The following PRKX variants were observed in gnomAD, a reference collection of about 807,000 sequenced individuals.
PRKX encodes protein kinase cAMP-dependent X-linked catalytic subunit.
A neutral mutation model predicts 22.0 loss-of-function variants in PRKX; 12 were observed. The observed-to-expected ratio is 0.54, with a 90% CI of 0.35 to 0.88. The LOEUF is 0.88. Ranked by LOEUF, PRKX falls within the 40% of genes least tolerant of loss-of-function variation. PRKX has a pLI of 0.01. For missense variants in PRKX, 217 were observed against 308.0 expected, an observed-to-expected ratio of 0.70 and a Z score of 2.21; for synonymous variants, 134 against 137.7, an observed-to-expected ratio of 0.97 and a Z score of 0.19.
intron 6 of PRKX, among the ~76,000 whole-genome samples, chrX:3,620,588 C>T (rs1926533087): frequency 8.9e-6 from 1 of 112,407 alleles, no homozygotes; most frequent in Non-Finnish European, 1.9e-5. Context: ...AGCTCCGCCT[C>T]CTGTCAGATC....
intron 4 of PRKX, among the ~76,000 whole-genome samples, chrX:3,641,107 C>T (rs888606526): frequency 1.8e-5 from 2 of 111,852 alleles, no homozygotes; most frequent in African/African-American, 6.5e-5. Context: ...CAGCAGCCCT[C>T]AGGGCTGCTC....
At chrX:3,638,240 T>G (rs12690391) in intron 4 of PRKX, among the ~76,000 whole-genome samples, 30,840 of 109,113 alleles carry the variant, frequency 0.28, 3,493 homozygotes, top group Admixed American at 0.45. Flanking sequence ...CTTTTTAAAT[T>G]TATTTTTATG....
In PRKX at chrX:3,639,939, C is replaced by G. The variant is rs182645231; in HGVS notation, c.719+1913G>C. 6.2e-3 allele frequency among the ~76,000 whole-genome samples: 692 copies of G among 111,480 alleles called. 6 individuals are homozygous for G. The highest frequency in any genetic ancestry group is 0.033 in the Middle Eastern group (7 of 215). On this transcript the variant is annotated intron_variant, in intron 4 of 8. Transcript: ENST00000262848. ...GTCACATGCTCCACACCCCCAGGAA[C>G]AAGCGCTCGGTGCTCCCCACCAGCA... is the stretch of plus-strand genomic sequence containing the variant.
rs781593197 is a variant in PRKX, at chrX:3,655,181, C to T, written c.567G>A (p.Thr189=). 53 of 1,210,241 alleles carry T rather than the reference C, an allele frequency of 4.4e-5. 1 individual carries two copies. Among genetic ancestry groups the T allele is most frequent in the South Asian group, 3.3e-4 (19 of 56,850 alleles). The part of the protein sequence containing the change: ...LLDRDGHIKL[T]DFGFAKKLVD... Reference sequence around the variant, plus strand: ...CCAGCTTCTTGGCGAACCCAAAGTCCGTGAGCTTAATGTGGCCATCCCTAT... The same window carrying T: ...CCAGCTTCTTGGCGAACCCAAAGTCTGTGAGCTTAATGTGGCCATCCCTAT... Residue 189 remains threonine, a synonymous_variant, in exon 3 of 9, where the codon ACG becomes ACA. Transcript: ENST00000262848.
At chrX:3,668,588 T>A (rs1427487854) in intron 2 of PRKX, among the ~76,000 whole-genome samples, 5 of 111,881 alleles carry the variant, frequency 4.5e-5, no homozygotes. Flanking sequence ...CATGAACTCC[T>A]CTCCATGGAG....
intron 4 of PRKX, among the ~76,000 whole-genome samples, chrX:3,629,922 C>G (rs1391875772): frequency 1.8e-5 from 2 of 111,953 alleles, no homozygotes; most frequent in Non-Finnish European, 3.8e-5. Context: ...GTCTGCAAAG[C>G]TGACCGAAGC....
intron 7 of PRKX, among the ~76,000 whole-genome samples, chrX:3,612,953 G>A: frequency 9.2e-6 from 1 of 108,149 alleles, no homozygotes; most frequent in East Asian, 2.9e-4. Flanking sequence ...AGGAGTTCGA[G>A]AACAGCCTGG....
intron 1 of PRKX, among the ~76,000 whole-genome samples, chrX:3,693,656 G>A (rs766875992): frequency 1.8e-5 from 2 of 111,241 alleles, no homozygotes; most frequent in East Asian, 5.7e-4. Context: ...GGGTTTTTGA[G>A]GCCGGGCGCG....
chrX:3,679,688 C>T (rs139899750), intron 1 of PRKX, among the ~76,000 whole-genome samples: 1 of 112,273 alleles, frequency 8.9e-6, no homozygotes, highest in African/African-American at 3.2e-5. Flanking sequence ...TTAAAAAGGA[C>T]ATGCACCCAT....
chrX:3,652,050 C>G (rs971893779), intron 3 of PRKX, among the ~76,000 whole-genome samples: 1 of 110,830 alleles, frequency 9.0e-6, no homozygotes. Flanking sequence ...GCTATGAGGA[C>G]GCTGAGGCAT....
intron 4 of PRKX, among the ~76,000 whole-genome samples, chrX:3,632,509 TC>T (rs986746772): frequency 8.9e-6 from 1 of 111,790 alleles, no homozygotes; most frequent in Admixed American, 9.5e-5. Flanking sequence ...AGCATTAAAC[TC>T]CAGGAGGAAA....
At position 3,707,608 on chromosome X, in the gene PRKX, C is replaced by A. The variant is rs1245026150; in HGVS notation, c.166+5480G>T. On this transcript the variant is annotated intron_variant, in intron 1 of 8. Transcript: ENST00000262848. The stretch of plus-strand genomic sequence containing the variant: ...CTGTCTCTTTTATTTAAAATAAGTC[C>A]TGCACATGTATCTTAATTTAACTTA... 2.7e-5 allele frequency among the ~76,000 whole-genome samples: 3 copies of A among 110,338 alleles called. No homozygotes were observed. In the East Asian group the frequency reaches 8.5e-4, roughly 31 times the overall value.
chrX:3,654,281 TATATC>T (rs2146583159), intron 3 of PRKX, among the ~76,000 whole-genome samples: 1 of 97,534 alleles, frequency 1.0e-5, no homozygotes. Flanking sequence ...TATATAATAC[TATATC>T]ATATGTACAT....
Position 3,645,624 on chromosome X carries a change from A to G in PRKX, c.600-3653T>C, listed in dbSNP as rs763559332. 9.8e-5 allele frequency among the ~76,000 whole-genome samples: 11 copies of G among 112,664 alleles called. No individual in the cohort carries two copies. In the East Asian group the frequency reaches 1.7e-3, roughly 17 times the overall value. ...TGGTAAATGCAATAAATGCCACTCAATTGTGCACGGCAAGATGGTTCAAAC... is the reference window on the plus strand; with the variant it reads ...TGGTAAATGCAATAAATGCCACTCAGTTGTGCACGGCAAGATGGTTCAAAC... On this transcript the variant is annotated intron_variant, in intron 3 of 8. Coordinates refer to ENST00000262848, the MANE Select transcript of PRKX (RefSeq NM_005044.5).
At chrX:3,701,602 A>T (rs1277489060) in intron 1 of PRKX, among the ~76,000 whole-genome samples, 2 of 112,169 alleles carry the variant, frequency 1.8e-5, no homozygotes, top group African/African-American at 6.5e-5. Context: ...AACCAGAGCA[A>T]CTCCATCTTG....
intron 4 of PRKX, among the ~76,000 whole-genome samples, chrX:3,630,392 C>G (rs1467083703): frequency 9.2e-6 from 1 of 108,192 alleles, no homozygotes; most frequent in Non-Finnish European, 2.0e-5. Context: ...AACCCTGTCT[C>G]TACCAAAAAT....
intron 1 of PRKX, among the ~76,000 whole-genome samples, chrX:3,696,964 G>A (rs774613815): frequency 8.9e-6 from 1 of 112,241 alleles, no homozygotes; most frequent in South Asian, 3.7e-4. Context: ...AGGTTGGGGT[G>A]AGCCAAGATT....
At chrX:3,640,871 T>C (rs1927064616) in intron 4 of PRKX, among the ~76,000 whole-genome samples, 1 of 111,604 alleles carries the variant, frequency 9.0e-6, no homozygotes. Flanking sequence ...ATCGTCTTCA[T>C]GGCTCATTAT....
chrX:3,676,215 A>G (rs1927951267), intron 1 of PRKX, among the ~76,000 whole-genome samples: 1 of 112,118 alleles, frequency 8.9e-6, no homozygotes, highest in East Asian at 2.8e-4. Context: ...TTATGTGATC[A>G]CACCCACCCC....
Sources: gnomAD v4.1 joint callset for allele counts (sites outside exome capture counted in the v4.1 genomes callset) on GRCh38, gnomAD v4.1.1 for gene constraint, MANE v1.5 for transcripts, NCBI Gene and HGNC (gene_info 2026-07-23, HGNC 2026-07-21) for gene names.